Variants in EPB41L4A observed in about 807,000 individuals in gnomAD.
EPB41L4A encodes the protein band 4.1-like protein 4A.
EPB41L4A carries 100 observed loss-of-function variants against 108.6 expected under a neutral mutation model. The ratio of observed to expected loss-of-function variants is 0.92; its 90% confidence interval spans 0.78 to 1.09. The LOEUF is 1.09. Among genes scored for constraint, EPB41L4A ranks in the 50% least tolerant of loss-of-function variants. EPB41L4A has a pLI of 0.00. For synonymous variants in EPB41L4A, 319 were observed against 289.0 expected, an observed-to-expected ratio of 1.10 and a Z score of -1.05; for missense variants, 1,030 against 842.7, an observed-to-expected ratio of 1.22 and a Z score of -2.75.
chr5:112,153,762 A>G (rs1037143250), intron 12 of EPB41L4A, among the ~76,000 whole-genome samples: 124 of 151,578 alleles, frequency 8.2e-4, no homozygotes, highest in African/African-American at 2.9e-3. Flanking sequence ...ATATTATGGA[A>G]CACAGCATAC....
intron 12 of EPB41L4A, among the ~76,000 whole-genome samples, chr5:112,234,377 A>C (rs2150366298): frequency 6.6e-6 from 1 of 151,750 alleles, no homozygotes; most frequent in Admixed American, 6.6e-5. Context: ...CAAGATCCTA[A>C]CTCAAAAAAG....
At chr5:112,179,983 A>G (rs550586450) in intron 18 of EPB41L4A, among the ~76,000 whole-genome samples, 5 of 152,316 alleles carry the variant, frequency 3.3e-5, no homozygotes, top group Non-Finnish European at 5.9e-5. Context: ...GGCAGGATGT[A>G]GCATCAGTAT....
chr5:112,265,330 C>A (rs1383310446), intron 5 of EPB41L4A, among the ~76,000 whole-genome samples: 3 of 152,146 alleles, frequency 2.0e-5, no homozygotes, highest in African/African-American at 7.2e-5. Flanking sequence ...CAAGTACAAA[C>A]ATTAGAAATG....
chr5:112,289,161 A>G (rs1753485286), intron 2 of EPB41L4A, among the ~76,000 whole-genome samples: 1 of 152,212 alleles, frequency 6.6e-6, no homozygotes, highest in African/African-American at 2.4e-5. Flanking sequence ...GTGATGGAAG[A>G]GAAGGCTAGA....
chr5:112,262,485 GT>G lies in EPB41L4A; in HGVS notation c.642+8del. 6.2e-7 allele frequency: 1 copy of G among 1,608,566 alleles called. No homozygotes were observed. The highest frequency in any genetic ancestry group is 8.5e-7 in the Non-Finnish European group (1 of 1,175,924). On this transcript the variant is annotated splice_region_variant and intron_variant, in intron 7 of 22. Transcript: ENST00000261486. ...TTAAAATATTTTGTGTTAATTAAAT[GT>G]TACTCACATAGACGGGATGGAGGTC...
intron 7 of EPB41L4A, among the ~76,000 whole-genome samples, chr5:112,261,319 T>C (rs1237833372): frequency 6.6e-6 from 1 of 152,178 alleles, no homozygotes; most frequent in Non-Finnish European, 1.5e-5. Context: ...AAAAGACATA[T>C]ACAAAATGAA....
intron 4 of EPB41L4A, among the ~76,000 whole-genome samples, chr5:112,273,324 T>C (rs9326850): frequency 0.38 from 58,181 of 151,998 alleles, 12,277 homozygotes; most frequent in South Asian, 0.65. Flanking sequence ...GTACTGAAAA[T>C]ATTGTGGGTT....
intron 1 of EPB41L4A, among the ~76,000 whole-genome samples, chr5:112,341,041 T>A (rs1041370329): frequency 5.9e-5 from 9 of 152,244 alleles, no homozygotes; most frequent in Non-Finnish European, 1.3e-4. Context: ...CACTCCATAA[T>A]AGCAATCCTC....
chr5:112,222,188 T>C (rs1205770268), intron 12 of EPB41L4A, among the ~76,000 whole-genome samples: 2 of 152,214 alleles, frequency 1.3e-5, no homozygotes, highest in East Asian at 3.8e-4. Context: ...CTCAAGAGTA[T>C]TTGTTGAAAA....
intron 18 of EPB41L4A, among the ~76,000 whole-genome samples, chr5:112,174,956 C>T (rs1194843192): frequency 1.3e-5 from 2 of 152,168 alleles, no homozygotes; most frequent in Non-Finnish European, 2.9e-5. Context: ...TTCTCCCTCC[C>T]CCTCCAAATC....
intron 1 of EPB41L4A, among the ~76,000 whole-genome samples, chr5:112,355,870 A>G (rs1449847757): frequency 6.6e-6 from 1 of 152,140 alleles, no homozygotes; most frequent in Non-Finnish European, 1.5e-5. Flanking sequence ...GATCCTAGGG[A>G]TCTAAAATGC....
intron 12 of EPB41L4A, among the ~76,000 whole-genome samples, chr5:112,146,679 A>G (rs1381998299): frequency 6.6e-6 from 1 of 152,316 alleles, no homozygotes; most frequent in East Asian, 1.9e-4. Flanking sequence ...TTAAAAAAAA[A>G]TTAAGACCAG....
intron 20 of EPB41L4A, chr5:112,170,008 C>CT (rs1160217750): frequency 8.7e-6 from 3 of 345,146 alleles, no homozygotes; most frequent in Admixed American, 5.0e-5. Flanking sequence ...GGATAAAAAA[C>CT]TTTATCAGTG....
At chr5:112,151,980 C>T (rs936332664) in intron 12 of EPB41L4A, among the ~76,000 whole-genome samples, 1 of 152,194 alleles carries the variant, frequency 6.6e-6, no homozygotes, top group African/African-American at 2.4e-5. Flanking sequence ...GATCCGCCCA[C>T]CTCAGCCTTC....
chr5:112,407,642 T>C (rs560776097), intron 1 of EPB41L4A, among the ~76,000 whole-genome samples: 1 of 152,260 alleles, frequency 6.6e-6, no homozygotes, highest in African/African-American at 2.4e-5. Flanking sequence ...CCTATGCAAA[T>C]ACCCTTTTTT....
At chr5:112,342,851 C>T (rs1459200490) in intron 1 of EPB41L4A, among the ~76,000 whole-genome samples, 1 of 151,296 alleles carries the variant, frequency 6.6e-6, no homozygotes, top group Non-Finnish European at 1.5e-5. Flanking sequence ...GAGGCATTCA[C>T]TCCCAAGCAC....
chr5:112,169,242 G>A (rs1209079912), intron 20 of EPB41L4A, 137 bp from the exon 21 acceptor site: 8 of 649,452 alleles, frequency 1.2e-5, no homozygotes, highest in Admixed American at 2.8e-5. Context: ...GGGTTTGAAA[G>A]CCTGAGTGAC....
In EPB41L4A at chr5:112,275,507, A is replaced by G. The variant is rs1189294950; in HGVS notation, c.257-103T>C. ...TTACAATTACACTCCAAGATTGTCT[A>G]AAGAAACAAGAAAACATAAGATAAA... On this transcript the variant is annotated intron_variant, in intron 3 of 22. Coordinates refer to ENST00000261486, the MANE Select transcript of EPB41L4A (RefSeq NM_022140.5). The G allele has an allele frequency of 3.8e-6, 5 of 1,303,074 alleles. No homozygotes were observed. The African/African-American group carries it at 4.5e-5, about 12-fold the overall frequency. 80.7% of individuals were successfully genotyped at this position (1,303,074 alleles called of 1,614,324 possible).
chr5:112,336,290 A>G (rs946570797), intron 1 of EPB41L4A, among the ~76,000 whole-genome samples: 1 of 152,220 alleles, frequency 6.6e-6, no homozygotes, highest in African/African-American at 2.4e-5. Flanking sequence ...CTTGTTTGAG[A>G]AAGTGCAGGT....
Sources: gnomAD v4.1 joint callset for allele counts (sites outside exome capture counted in the v4.1 genomes callset) on GRCh38, gnomAD v4.1.1 for gene constraint, MANE v1.5 for transcripts, NCBI Gene and HGNC (gene_info 2026-07-23, HGNC 2026-07-21) for gene names.